Variants in WWOX observed in about 807,000 individuals in gnomAD.
The protein encoded by WWOX is WW domain containing oxidoreductase.
Under a neutral mutation model 46.2 loss-of-function variants are expected in WWOX, and 69 were observed. That is an observed-to-expected ratio of 1.49 (90% CI 1.23 to 1.82). WWOX has a LOEUF of 1.82. Ranked by LOEUF, WWOX falls within the 40% of genes most tolerant of loss-of-function variation. WWOX has a pLI of 0.00. For missense variants in WWOX, 919 were observed against 542.6 expected, an observed-to-expected ratio of 1.69 and a Z score of -6.89; for synonymous variants, 359 against 202.6, an observed-to-expected ratio of 1.77 and a Z score of -6.56.
At chr16:78,730,672 A>G (rs1597506476) in intron 8 of WWOX, among the ~76,000 whole-genome samples, 2 of 129,996 alleles carry the variant, frequency 1.5e-5, no homozygotes, top group Admixed American at 8.9e-5. Context: ...GTTGCCCGGG[A>G]TGGTCTTGAA....
intron 8 of WWOX, among the ~76,000 whole-genome samples, chr16:78,769,462 T>A (rs920140054): frequency 3.9e-5 from 6 of 152,156 alleles, no homozygotes; most frequent in Non-Finnish European, 7.3e-5. Flanking sequence ...AGTCCTTGCT[T>A]GCATTCTGTG....
intron 8 of WWOX, among the ~76,000 whole-genome samples, chr16:78,969,784 T>C (rs1013306624): frequency 2.0e-5 from 3 of 152,114 alleles, no homozygotes; most frequent in African/African-American, 2.4e-5. Context: ...TTACATGAAA[T>C]ACCCCAAAGA....
intron 8 of WWOX, among the ~76,000 whole-genome samples, chr16:78,545,245 G>T (rs183283207): frequency 0.012 from 1,838 of 152,254 alleles, 24 homozygotes; most frequent in Middle Eastern, 0.044. Context: ...TTTGGACTAA[G>T]TGAATGTCCA....
At chr16:78,994,799 G>A (rs925069302) in intron 8 of WWOX, among the ~76,000 whole-genome samples, 2 of 152,018 alleles carry the variant, frequency 1.3e-5, no homozygotes, top group Admixed American at 6.6e-5. Context: ...CAAAGAGCAG[G>A]GTTTCGCCGT....
At chr16:78,923,460 T>C (rs1597155976) in intron 8 of WWOX, among the ~76,000 whole-genome samples, 1 of 152,176 alleles carries the variant, frequency 6.6e-6, no homozygotes, top group East Asian at 1.9e-4. Flanking sequence ...TCCTAATATC[T>C]AGTTTATATT....
At chr16:78,148,004 C>G (rs2151716459) in intron 4 of WWOX, among the ~76,000 whole-genome samples, 1 of 151,896 alleles carries the variant, frequency 6.6e-6, no homozygotes, top group Non-Finnish European at 1.5e-5. Flanking sequence ...TCATAAAGAA[C>G]CCTGTCTCGA....
intron 5 of WWOX, among the ~76,000 whole-genome samples, chr16:78,219,203 A>AT (rs1491549473): frequency 1.7e-5 from 2 of 117,964 alleles, no homozygotes; most frequent in Non-Finnish European, 3.7e-5. Flanking sequence ...GAGCAGAGTT[A>AT]AAAAAAAAAA....
chr16:78,728,589 C>T (rs921231772), intron 8 of WWOX, among the ~76,000 whole-genome samples: 2 of 152,138 alleles, frequency 1.3e-5, no homozygotes, highest in African/African-American at 2.4e-5. Flanking sequence ...CAAGTGACAC[C>T]TTAGCATTCT....
chr16:78,115,025 G>C lies in WWOX; in HGVS notation c.280G>C (p.Val94Leu). ...TYLDPRLAFT[V>L]DDNPTKPTTR... ...CTTGGACCCAAGACTGGCGTTTACT[G>C]TGGATGATAATCCGACCAAGCCAAC... Residue 94 changes from valine (V) to leucine (L), a missense_variant, in exon 4 of 9, where the codon GTG becomes CTG. Physicochemically the swap from Val to Leu is conservative, Grantham distance 32. Coordinates refer to ENST00000566780, the MANE Select transcript of WWOX (RefSeq NM_016373.4). 1.2e-6 allele frequency: 2 copies of C among 1,614,220 alleles called. No individual in the cohort carries two copies. The highest frequency in any genetic ancestry group is 2.2e-5 in the South Asian group (2 of 91,086).
intron 8 of WWOX, among the ~76,000 whole-genome samples, chr16:79,054,921 CA>C (rs1415144130): frequency 6.6e-6 from 1 of 152,146 alleles, no homozygotes; most frequent in Admixed American, 6.5e-5. Flanking sequence ...GAATTAAAAG[CA>C]ATTGCAGCAA....
At chr16:78,123,912 T>G (rs557979306) in intron 4 of WWOX, 1 of 152,312 alleles carries the variant, frequency 6.6e-6, no homozygotes, top group African/African-American at 2.4e-5. Flanking sequence ...ATATGTTTCT[T>G]AAGTAAGAGG....
intron 8 of WWOX, among the ~76,000 whole-genome samples, chr16:79,061,155 A>G (rs2048351336): frequency 6.6e-6 from 1 of 152,212 alleles, no homozygotes; most frequent in Admixed American, 6.5e-5. Flanking sequence ...TTGAGGGAGA[A>G]ATGATAACCA....
rs2046356402 is a variant in WWOX at position 78,628,406 on chromosome 16, G to C, written c.1056+195654G>C. Among the ~76,000 whole-genome samples the C allele has an allele frequency of 3.3e-5, 5 of 152,136 alleles. 1 individual carries two copies. The South Asian group carries it at 8.3e-4, about 25-fold the overall frequency. ...TGGCCATTCTGATTTACTAGGTCTG[G>C]GGTTGGGGGATTGTGGGTGCCGAGA... On this transcript the variant is annotated intron_variant, in intron 8 of 8. Transcript: ENST00000566780.
chr16:79,013,850 C>G (rs887641879), intron 8 of WWOX, among the ~76,000 whole-genome samples: 1 of 152,172 alleles, frequency 6.6e-6, no homozygotes, highest in African/African-American at 2.4e-5. Flanking sequence ...TTTTCATTCT[C>G]GCTCTGCCGC....
At chr16:78,558,716 C>G (rs1394260295) in intron 8 of WWOX, among the ~76,000 whole-genome samples, 1 of 152,224 alleles carries the variant, frequency 6.6e-6, no homozygotes, top group Non-Finnish European at 1.5e-5. Flanking sequence ...GCCAGTGTCA[C>G]TTCTCCCCAG....
intron 8 of WWOX, among the ~76,000 whole-genome samples, chr16:78,775,854 G>T (rs933261280): frequency 8.5e-5 from 13 of 152,166 alleles, no homozygotes; most frequent in African/African-American, 3.1e-4. Flanking sequence ...TTTTAACCCT[G>T]TCTTATTGGA....
chr16:78,730,454 CTTT>C (rs1156475538), intron 8 of WWOX, among the ~76,000 whole-genome samples: 1 of 151,670 alleles, frequency 6.6e-6, no homozygotes, highest in Non-Finnish European at 1.5e-5. Context: ...AGAAATACAT[CTTT>C]TGTTTGTTTG....
At chr16:78,308,591 C>G (rs1597463718) in intron 5 of WWOX, among the ~76,000 whole-genome samples, 1 of 152,208 alleles carries the variant, frequency 6.6e-6, no homozygotes, top group Non-Finnish European at 1.5e-5. Flanking sequence ...CGAAATGGCC[C>G]TGCAAAGCTG....
chr16:78,467,561 T>A (rs926690605), intron 8 of WWOX, among the ~76,000 whole-genome samples: 1 of 152,234 alleles, frequency 6.6e-6, no homozygotes, highest in Non-Finnish European at 1.5e-5. Flanking sequence ...TCTTGAATGG[T>A]CTTTTGTAAA....
Sources: allele counts gnomAD v4.1 joint callset (sites outside exome capture counted in the v4.1 genomes callset), GRCh38; gene constraint gnomAD v4.1.1; transcripts MANE v1.5; gene names NCBI Gene and HGNC (gene_info 2026-07-23, HGNC 2026-07-21).